The following MACROD2 variants were observed in gnomAD, a reference collection of about 807,000 sequenced individuals.
MACROD2 encodes ADP-ribose glycohydrolase MACROD2.
MACROD2 carries 36 observed loss-of-function variants against 70.4 expected under a neutral mutation model. The ratio of observed to expected loss-of-function variants is 0.51; its 90% CI spans 0.39 to 0.68. MACROD2 has a LOEUF of 0.68. Ranked by LOEUF, MACROD2 falls within the 30% of genes least tolerant of loss-of-function variation. The pLI is 0.00. For missense variants in MACROD2, 496 were observed against 538.4 expected, an observed-to-expected ratio of 0.92 and a Z score of 0.78; for synonymous variants, 172 against 178.8, an observed-to-expected ratio of 0.96 and a Z score of 0.30.
intron 4 of MACROD2, among the ~76,000 whole-genome samples, chr20:14,645,183 A>C (rs1254727967): frequency 1.3e-5 from 2 of 152,098 alleles, no homozygotes; most frequent in African/African-American, 4.8e-5. Context: ...TCTTTGAAAA[A>C]GTATATTATC....
chr20:15,730,756 A>T (rs1012467328), intron 8 of MACROD2, among the ~76,000 whole-genome samples: 2 of 151,228 alleles, frequency 1.3e-5, no homozygotes, highest in African/African-American at 4.9e-5. Flanking sequence ...GGAGATTTTC[A>T]TGGAGGATAT....
chr20:14,845,427 C>A (rs2073129863), intron 5 of MACROD2, among the ~76,000 whole-genome samples: 1 of 152,008 alleles, frequency 6.6e-6, no homozygotes, highest in Admixed American at 6.6e-5. Context: ...AGGAGTATAT[C>A]ATTCTGACAC....
At chr20:15,417,624 A>AC (rs2046172978) in intron 6 of MACROD2, among the ~76,000 whole-genome samples, 1 of 149,518 alleles carries the variant, frequency 6.7e-6, no homozygotes, top group Non-Finnish European at 1.5e-5. Context: ...AAAGAAAGAA[A>AC]GAAAGAAAAG....
chr20:14,292,991 T>G (rs1249662284), intron 3 of MACROD2, among the ~76,000 whole-genome samples: 1 of 151,886 alleles, frequency 6.6e-6, no homozygotes, highest in Non-Finnish European at 1.5e-5. Flanking sequence ...ACACCTGCTA[T>G]GTGCCAGGCA....
At chr20:15,902,174 AC>A (rs2065073853) in intron 10 of MACROD2, among the ~76,000 whole-genome samples, 1 of 152,168 alleles carries the variant, frequency 6.6e-6, no homozygotes, top group South Asian at 2.1e-4. Context: ...TCCTCCAACC[AC>A]ATCAGCATAG....
rs538323038 is a variant in MACROD2, at chr20:15,653,196, T to C, written c.645+153349T>C. Reference sequence around the variant, plus strand: ...ATTGCCATCTGCATAGTTAGACATGTCCAAAACAGATTAGCACTCTCTTTA... The same window carrying C: ...ATTGCCATCTGCATAGTTAGACATGCCCAAAACAGATTAGCACTCTCTTTA... On this transcript the variant is annotated intron_variant, in intron 8 of 17. Transcript: ENST00000684519. 5.6e-4 allele frequency among the ~76,000 whole-genome samples: 85 copies of C among 152,338 alleles called. 1 individual carries two copies. The highest frequency in any genetic ancestry group is 1.9e-3 in the African/African-American group (79 of 41,582).
At position 15,948,885 on chromosome 20, in the gene MACROD2, T is replaced by G. The variant is rs150217746; in HGVS notation, c.907+11341T>G. 4.9e-3 allele frequency among the ~76,000 whole-genome samples: 748 copies of G among 152,326 alleles called. 2 individuals carry two copies. The highest frequency in any genetic ancestry group is 7.7e-3 in the Non-Finnish European group (524 of 68,030). ...TTCTAAAGATCTTGTGAATAAGACT[T>G]GTAAACAAAATCATCCTAGACTAGG... is the stretch of plus-strand genomic sequence containing the variant. On this transcript the variant is annotated intron_variant, in intron 12 of 17. Transcript: ENST00000684519.
chr20:14,133,356 A>G (rs1325003686), intron 3 of MACROD2, among the ~76,000 whole-genome samples: 2 of 152,220 alleles, frequency 1.3e-5, no homozygotes, highest in African/African-American at 4.8e-5. Context: ...ATGACAAATC[A>G]TGATCATTTC....
chr20:14,633,750 A>G (rs1196095047), intron 4 of MACROD2, among the ~76,000 whole-genome samples: 6 of 152,062 alleles, frequency 3.9e-5, no homozygotes, highest in Non-Finnish European at 8.8e-5. Context: ...GAGTTTTCAC[A>G]TACTTAAAAC....
intron 4 of MACROD2, among the ~76,000 whole-genome samples, chr20:14,664,372 A>G (rs1021116393): frequency 1.3e-5 from 2 of 152,152 alleles, no homozygotes; most frequent in East Asian, 1.9e-4. Context: ...ATAATTTCAC[A>G]TGGCACCTTT....
At chr20:15,912,939 T>G (rs2065257914) in intron 10 of MACROD2, among the ~76,000 whole-genome samples, 1 of 152,178 alleles carries the variant, frequency 6.6e-6, no homozygotes, top group South Asian at 2.1e-4. Context: ...TGTGTCATAA[T>G]AAAAAGGACA....
At chr20:15,476,332 G>C (rs115610730) in intron 7 of MACROD2, among the ~76,000 whole-genome samples, 2 of 151,956 alleles carry the variant, frequency 1.3e-5, no homozygotes, top group Non-Finnish European at 2.9e-5. Flanking sequence ...TCACTCTTTC[G>C]CACACAGAAA....
intron 5 of MACROD2, among the ~76,000 whole-genome samples, chr20:15,095,265 T>TG (rs1248754633): frequency 6.6e-6 from 1 of 151,208 alleles, no homozygotes; most frequent in Non-Finnish European, 1.5e-5. Flanking sequence ...TTAGTAGAGA[T>TG]GGGGTTTCAC....
intron 5 of MACROD2, among the ~76,000 whole-genome samples, chr20:14,702,602 T>TATATATAC (rs2071214150): frequency 1.5e-5 from 1 of 67,230 alleles, no homozygotes; most frequent in Non-Finnish European, 2.7e-5. Context: ...TATATGTGTG[T>TATATATAC]ATATATATGT....
intron 5 of MACROD2, among the ~76,000 whole-genome samples, chr20:15,073,155 T>G (rs6043083): frequency 0.14 from 21,900 of 152,026 alleles, 4,176 homozygotes; most frequent in African/African-American, 0.43. Flanking sequence ...TCTCTGCTAT[T>G]GTGTTATAGC....
At chr20:14,361,075 G>C (rs941311467) in intron 3 of MACROD2, among the ~76,000 whole-genome samples, 1 of 151,982 alleles carries the variant, frequency 6.6e-6, no homozygotes, top group African/African-American at 2.4e-5. Flanking sequence ...TTTAGTTTTC[G>C]GTGATAATCC....
intron 3 of MACROD2, among the ~76,000 whole-genome samples, chr20:14,093,731 T>G (rs1017617817): frequency 1.3e-5 from 2 of 151,686 alleles, no homozygotes; most frequent in Non-Finnish European, 2.9e-5. Flanking sequence ...GTGCTTATTA[T>G]CAGTTAAGAA....
chr20:15,738,206 G>A (rs1291292394), intron 8 of MACROD2, among the ~76,000 whole-genome samples: 1 of 152,156 alleles, frequency 6.6e-6, no homozygotes, highest in Non-Finnish European at 1.5e-5. Flanking sequence ...TGGACTGCTT[G>A]TAACACAAAT....
At chr20:15,674,571 T>A (rs2050028821) in intron 8 of MACROD2, among the ~76,000 whole-genome samples, 1 of 152,102 alleles carries the variant, frequency 6.6e-6, no homozygotes, top group South Asian at 2.1e-4. Flanking sequence ...CAAGGCATAT[T>A]TTCCCATAAT....
Sources: allele counts gnomAD v4.1 joint callset (sites outside exome capture counted in the v4.1 genomes callset), GRCh38; gene constraint gnomAD v4.1.1; transcripts MANE v1.5; gene names NCBI Gene and HGNC (gene_info 2026-07-23, HGNC 2026-07-21).